Variants in INTS9 observed in about 807,000 individuals in gnomAD.
INTS9 encodes integrator complex subunit 9.
INTS9 carries 55 observed loss-of-function variants against 79.7 expected under a neutral mutation model. The ratio of observed to expected loss-of-function variants is 0.69; its 90% CI spans 0.56 to 0.86. The LOEUF is 0.86. Ranked by LOEUF, INTS9 falls within the 40% of genes least tolerant of loss-of-function variation. The probability of loss-of-function intolerance (pLI) is 0.00; values close to 1 mark genes in which losing one functional copy is unlikely to be tolerated. For synonymous variants in INTS9, 319 were observed against 325.2 expected (o/e 0.98, Z 0.20); for missense variants, 721 against 831.5 (o/e 0.87, Z 1.64).
chr8:28,830,525 G>A (rs13258975), intron 6 of INTS9, among the ~76,000 whole-genome samples: 30,178 of 151,280 alleles, frequency 0.2, 3,387 homozygotes, highest in East Asian at 0.46. Flanking sequence ...TCAGCAGGTT[G>A]ATACGGGAGA....
chr8:28,784,833 C>T (rs1223445986), intron 11 of INTS9, among the ~76,000 whole-genome samples: 1 of 152,210 alleles, frequency 6.6e-6, no homozygotes, highest in Non-Finnish European at 1.5e-5. Flanking sequence ...CTCTCATCTA[C>T]ACACCCGATT....
chr8:28,796,648 T>C lies in INTS9; in HGVS notation c.752A>G (p.Asp251Gly). 1.2e-6 allele frequency: 2 copies of C among 1,608,638 alleles called. No homozygotes were observed. The highest frequency in any genetic ancestry group is 1.7e-6 in the Non-Finnish European group (2 of 1,175,052). ...ATCGCTGTTTTTGAGAGAAGCTTGG[T>C]CCATGGGCTGAAAAAGAACACAGAA... ...SLLTTHPQPM[D>G]QASLKNSDVL... The change falls in exon 9 of 17, where the codon GAC (aspartate) becomes GGC (glycine). Residue 251 changes from aspartate to glycine, a missense_variant. By Grantham distance (94) the Asp-to-Gly change is moderately conservative. This residue lies in a region of INTS9 where 291 missense variants were observed against 307.0 expected (regional missense o/e 0.95). Coordinates refer to ENST00000521022, the MANE Select transcript of INTS9 (RefSeq NM_018250.4).
At chr8:28,816,857 A>G (rs241151) in intron 6 of INTS9, among the ~76,000 whole-genome samples, 2 of 152,112 alleles carry the variant, frequency 1.3e-5, no homozygotes, top group East Asian at 1.9e-4. Context: ...TAACTGGTGT[A>G]AGGTGGTATC....
chr8:28,883,001 T>C (rs1460385310), intron 1 of INTS9, among the ~76,000 whole-genome samples: 2 of 152,220 alleles, frequency 1.3e-5, no homozygotes, highest in South Asian at 2.1e-4. Flanking sequence ...TTTCCCTTCC[T>C]GTCCTTTCTT....
At chr8:28,879,906 G>C (rs1431467598) in intron 1 of INTS9, among the ~76,000 whole-genome samples, 2 of 152,054 alleles carry the variant, frequency 1.3e-5, no homozygotes, top group South Asian at 2.1e-4. Flanking sequence ...CCTGGAGGTA[G>C]TAACGGAGAT....
At chr8:28,839,411 GACT>G (rs1807023588) in intron 4 of INTS9, among the ~76,000 whole-genome samples, 1 of 151,852 alleles carries the variant, frequency 6.6e-6, no homozygotes, top group Non-Finnish European at 1.5e-5. Context: ...AGCTACCAAT[GACT>G]TTCTTCACAG....
At chr8:28,885,754 T>C (rs2131400356) in intron 1 of INTS9, among the ~76,000 whole-genome samples, 1 of 152,370 alleles carries the variant, frequency 6.6e-6, no homozygotes, top group African/African-American at 2.4e-5. Flanking sequence ...CCTTTGTGAA[T>C]TCCAGTTTCT....
intron 6 of INTS9, among the ~76,000 whole-genome samples, chr8:28,834,988 C>T (rs994399252): frequency 6.6e-6 from 1 of 152,072 alleles, no homozygotes; most frequent in Non-Finnish European, 1.5e-5. Flanking sequence ...GCAAACACCT[C>T]TTCTAAGACA....
chr8:28,812,531 G>A, intron 7 of INTS9, 70 bp from the exon 8 acceptor site: 2 of 1,507,458 alleles, frequency 1.3e-6, no homozygotes, highest in East Asian at 2.3e-5. Flanking sequence ...ATTCTGCAGG[G>A]AAAAACAACA....
chr8:28,842,570 C>T (rs1585454646), intron 4 of INTS9, among the ~76,000 whole-genome samples: 1 of 152,150 alleles, frequency 6.6e-6, no homozygotes, highest in Non-Finnish European at 1.5e-5. Flanking sequence ...TTCAGAAGCA[C>T]TCATCTTGGT....
In INTS9 at chr8:28,793,912, C is replaced by A. The variant is rs1804055078; in HGVS notation, c.932G>T (p.Cys311Phe). 1 of 1,613,916 alleles carries A rather than the reference C, an allele frequency of 6.2e-7. No individual in the cohort carries two copies. Among genetic ancestry groups the A allele is most frequent in the African/African-American group, 1.3e-5 (1 of 74,898 alleles). The stretch of plus-strand genomic sequence containing the variant: ...GGCTGAGTCGATGTACTGATATAGG[C>A]ACTCCAGGAGGTCATAGATCACTCC... Reference protein sequence around the residue: ...PSGVIYDLLECLYQYIDSAGL... With the variant: ...PSGVIYDLLEFLYQYIDSAGL... The change falls in exon 10 of 17, where the codon TGC becomes TTC. Residue 311 changes from cysteine (C) to phenylalanine (F), a missense_variant. Around this residue, in one of 3 missense-constraint regions of INTS9, gnomAD observed 149 missense variants for 223.7 expected, o/e 0.67. Coordinates refer to ENST00000521022, the MANE Select transcript of INTS9 (RefSeq NM_018250.4).
rs1375505215 is a variant in INTS9 at position 28,777,853 on chromosome 8, C to T, written c.1371G>A (p.Val457=). The change falls in exon 13 of 17, where the codon GTG becomes GTA. Residue 457 remains valine, a synonymous_variant. Coordinates refer to ENST00000521022, the MANE Select transcript of INTS9 (RefSeq NM_018250.4). ...PIDTRLNFIQ[V]SKLLKEVQPL... The stretch of plus-strand genomic sequence containing the variant: ...CCTGCACTTCTTTAAGCAGCTTTGA[C>T]ACCTGGATGAAGTTCAGCCGGGTGT... The T allele has an allele frequency of 6.2e-7, 1 of 1,611,384 alleles. No individual in the cohort carries two copies. The highest frequency in any genetic ancestry group is 8.5e-7 in the Non-Finnish European group (1 of 1,178,846).
intron 8 of INTS9, among the ~76,000 whole-genome samples, chr8:28,806,256 C>A (rs191072809): frequency 1.5e-3 from 222 of 151,942 alleles, no homozygotes; most frequent in Non-Finnish European, 2.5e-3. Flanking sequence ...ACAAAAAAAA[C>A]CAGGCACATA....
Position 28,777,832 on chromosome 8 carries a change from C to G in INTS9, c.1392G>C (p.Val464=). The change falls in exon 13 of 17, where the codon GTG becomes GTC. Residue 464 remains valine (V), a synonymous_variant. Coordinates refer to ENST00000521022, the MANE Select transcript of INTS9 (RefSeq NM_018250.4). The part of the protein sequence containing the change: ...FIQVSKLLKE[V]QPLHVVCPEQ... ...CACAAGCAGTGTCCTTCATTACCTG[C>G]ACTTCTTTAAGCAGCTTTGACACCT... 6.2e-7 allele frequency: 1 copy of G among 1,604,040 alleles called. No homozygotes were observed. Among genetic ancestry groups the G allele is most frequent in the African/African-American group, 1.3e-5 (1 of 74,390 alleles).
At chr8:28,840,084 C>T (rs1563288908) in intron 4 of INTS9, among the ~76,000 whole-genome samples, 1 of 146,538 alleles carries the variant, frequency 6.8e-6, no homozygotes, top group African/African-American at 2.5e-5. Context: ...TGAACTCAAA[C>T]AAGTTTACAA....
chr8:28,853,755 C>T (rs1363858401), intron 2 of INTS9, among the ~76,000 whole-genome samples: 2 of 151,836 alleles, frequency 1.3e-5, no homozygotes, highest in African/African-American at 4.8e-5. Flanking sequence ...GAAGATTGAA[C>T]ATTATACGTA....
At chr8:28,855,148 GTAGTCA>G (rs1164898402) in intron 2 of INTS9, among the ~76,000 whole-genome samples, 2 of 152,156 alleles carry the variant, frequency 1.3e-5, no homozygotes, top group African/African-American at 4.8e-5. Context: ...CATCAAAACT[GTAGTCA>G]TAGATGATCT....
intron 1 of INTS9, among the ~76,000 whole-genome samples, chr8:28,867,900 A>G (rs533780139): frequency 6.6e-6 from 1 of 152,322 alleles, no homozygotes; most frequent in East Asian, 1.9e-4. Flanking sequence ...GCCATGAGGT[A>G]GGAATCATTT....
intron 2 of INTS9, among the ~76,000 whole-genome samples, chr8:28,858,099 T>C (rs1808271785): frequency 6.6e-6 from 1 of 152,168 alleles, no homozygotes; most frequent in South Asian, 2.1e-4. Context: ...GCAGCTGGGA[T>C]TGTCTGCCCT....
Sources: allele counts gnomAD v4.1 joint callset (sites outside exome capture counted in the v4.1 genomes callset), GRCh38; gene constraint gnomAD v4.1.1; regional missense constraint gnomAD v4.1.1; transcripts MANE v1.5; gene names NCBI Gene and HGNC (gene_info 2026-07-23, HGNC 2026-07-21).